The following ABLIM1 variants were observed in gnomAD, a reference collection of about 807,000 sequenced individuals.
ABLIM1 encodes actin-binding LIM protein 1.
Under a neutral mutation model 107.0 loss-of-function variants are expected in ABLIM1, and 40 were observed. The observed-to-expected ratio is 0.37, with a 90% CI of 0.29 to 0.49. The LOEUF is 0.49. Among genes scored for constraint, ABLIM1 ranks in the 20% least tolerant of loss-of-function variants. The pLI, the probability that ABLIM1 is intolerant of heterozygous loss-of-function variation, is 0.97. For missense variants in ABLIM1, 857 were observed against 1,008.5 expected (o/e 0.85, Z 2.04); for synonymous variants, 357 against 357.3 (o/e 1.00, Z 0.01).
intron 1 of ABLIM1, among the ~76,000 whole-genome samples, chr10:114,713,906 T>C (rs2081606161): frequency 6.6e-6 from 1 of 152,164 alleles, no homozygotes; most frequent in African/African-American, 2.4e-5. Context: ...GGGAACCAAG[T>C]GAGACAAAAA....
chr10:114,432,956 C>G lies in ABLIM1; in HGVS notation c.*3304G>C, dbSNP rs2059011210. On this transcript the variant is annotated 3_prime_UTR_variant, in exon 23 of 23. Transcript: ENST00000533213. Reference sequence around the variant, plus strand: ...CTGTGCAAGTTTCCCAATGCTCTTCCTATCTCCTAATAAGTCACACAGAAA... The same window carrying G: ...CTGTGCAAGTTTCCCAATGCTCTTCGTATCTCCTAATAAGTCACACAGAAA... 6.6e-6 allele frequency: 1 copy of G among 152,200 alleles called. No homozygotes were observed. The highest frequency in any genetic ancestry group is 1.5e-5 in the Non-Finnish European group (1 of 68,044). The allele number at this position is 152,200 out of a possible 1,614,324, so 9.4% of individuals were successfully genotyped here.
intron 1 of ABLIM1, among the ~76,000 whole-genome samples, chr10:114,621,250 G>T (rs749102564): frequency 6.6e-6 from 1 of 152,092 alleles, no homozygotes; most frequent in Non-Finnish European, 1.5e-5. Context: ...TACTTTCATA[G>T]TTCCCCTTTG....
At chr10:114,596,538 A>C (rs1381254323) in intron 2 of ABLIM1, among the ~76,000 whole-genome samples, 1 of 152,158 alleles carries the variant, frequency 6.6e-6, no homozygotes, top group African/African-American at 2.4e-5. Flanking sequence ...AACATGTAGT[A>C]AATGGATGAG....
At chr10:114,589,556 G>C (rs1262221586) in intron 2 of ABLIM1, among the ~76,000 whole-genome samples, 3 of 150,884 alleles carry the variant, frequency 2.0e-5, no homozygotes, top group Non-Finnish European at 4.4e-5. Flanking sequence ...GAGAGAGAGA[G>C]GGGCTTGGTA....
intron 1 of ABLIM1, among the ~76,000 whole-genome samples, chr10:114,636,524 G>A (rs574738986): frequency 6.6e-6 from 1 of 152,248 alleles, no homozygotes; most frequent in East Asian, 1.9e-4. Flanking sequence ...AGCTTGACAT[G>A]GAATGGATGC....
intron 1 of ABLIM1, among the ~76,000 whole-genome samples, chr10:114,682,195 T>C (rs534776021): frequency 6.6e-6 from 1 of 152,340 alleles, no homozygotes; most frequent in Non-Finnish European, 1.5e-5. Context: ...AGTCCTAAAT[T>C]ACTATTAATT....
chr10:114,662,312 C>T (rs946868619), upstream of ABLIM1, among the ~76,000 whole-genome samples: 3 of 152,126 alleles, frequency 2.0e-5, no homozygotes, highest in South Asian at 6.2e-4. Context: ...CAGTTGCTCA[C>T]AAGTCAGGAT....
chr10:114,695,299 G>A (rs903493909), intron 1 of ABLIM1, among the ~76,000 whole-genome samples: 1 of 152,024 alleles, frequency 6.6e-6, no homozygotes, highest in East Asian at 1.9e-4. Context: ...AACATTTATA[G>A]AGCCCTTAAA....
intron 2 of ABLIM1, among the ~76,000 whole-genome samples, chr10:114,590,129 A>G (rs2074694306): frequency 6.6e-6 from 1 of 152,192 alleles, no homozygotes; most frequent in African/African-American, 2.4e-5. Flanking sequence ...AACATGCTAT[A>G]CAGCTTCATA....
At chr10:114,509,661 AC>A (rs1402457223) in intron 6 of ABLIM1, among the ~76,000 whole-genome samples, 1 of 152,000 alleles carries the variant, frequency 6.6e-6, no homozygotes, top group African/African-American at 2.4e-5. Context: ...GGCATTCAAT[AC>A]CCTCTGCAGT....
chr10:114,552,160 TC>T (rs1385419245), intron 4 of ABLIM1, among the ~76,000 whole-genome samples: 27 of 152,294 alleles, frequency 1.8e-4, no homozygotes, highest in African/African-American at 6.3e-4. Flanking sequence ...AAAGCCATGG[TC>T]TTCACTCAAG....
At chr10:114,641,702 C>T (rs1245165511) in intron 1 of ABLIM1, among the ~76,000 whole-genome samples, 1 of 151,188 alleles carries the variant, frequency 6.6e-6, no homozygotes, top group Non-Finnish European at 1.5e-5. Context: ...GGAAAAACCA[C>T]CCCAGACAGA....
At chr10:114,672,249 G>A (rs2080288085) in intron 1 of ABLIM1, among the ~76,000 whole-genome samples, 2 of 151,986 alleles carry the variant, frequency 1.3e-5, no homozygotes, top group African/African-American at 4.8e-5. Flanking sequence ...TGCCCAGGCT[G>A]GAGTGCAGTG....
chr10:114,564,257 C>T (rs573803407), intron 4 of ABLIM1, among the ~76,000 whole-genome samples: 1 of 151,712 alleles, frequency 6.6e-6, no homozygotes, highest in South Asian at 2.1e-4. Flanking sequence ...GGGTTTCCTC[C>T]TGCGTGGGTT....
intron 1 of ABLIM1, among the ~76,000 whole-genome samples, chr10:114,644,359 T>TAC (rs1476235395): frequency 1.5e-5 from 2 of 136,534 alleles, no homozygotes; most frequent in African/African-American, 5.9e-5. Context: ...TACATATATA[T>TAC]ATACACACAC....
Position 114,445,384 on chromosome 10 carries a change from T to A in ABLIM1, c.1755A>T (p.Arg585Ser). 6.2e-7 allele frequency: 1 copy of A among 1,613,558 alleles called. No individual in the cohort carries two copies. The highest frequency in any genetic ancestry group is 8.5e-7 in the Non-Finnish European group (1 of 1,179,694). Residue 585 changes from arginine (R) to serine (S), a missense_variant, in exon 16 of 23, where the codon AGA (arginine) becomes AGT (serine). Arg to Ser is a moderately radical substitution (Grantham distance 110). Around this residue, in one of 5 missense-constraint regions of ABLIM1, gnomAD observed 103 missense variants for 101.0 expected, o/e 1.02. Coordinates refer to ENST00000533213, the MANE Select transcript of ABLIM1 (RefSeq NM_002313.7). Reference protein sequence around the residue: ...FAVVGPDMKRRSSGREEDDEE... With the variant: ...FAVVGPDMKRSSSGREEDDEE... ...CATCATCTTCCTCTCTGCCACTAGATCTGCGTTTCATGTCAGGTCCTAATT... is the reference window on the plus strand; with the variant it reads ...CATCATCTTCCTCTCTGCCACTAGAACTGCGTTTCATGTCAGGTCCTAATT...
chr10:114,539,313 A>G (rs563665944), intron 6 of ABLIM1, among the ~76,000 whole-genome samples: 22 of 152,318 alleles, frequency 1.4e-4, no homozygotes, highest in African/African-American at 4.8e-4. Flanking sequence ...AGCTGAGATC[A>G]TACCACTGCA....
rs966981907 is a variant in ABLIM1, at chr10:114,475,917, A to G, written c.1042-1961T>C. On this transcript the variant is annotated intron_variant, in intron 8 of 22. Coordinates refer to ENST00000533213, the MANE Select transcript of ABLIM1 (RefSeq NM_002313.7). ...AGTAACTTATAGTTCTACAATAGGA[A>G]TAAGACCTTGCCTTCTCAGTAGTTT... 2.0e-5 allele frequency among the ~76,000 whole-genome samples: 3 copies of G among 152,076 alleles called. No individual in the cohort carries two copies. The South Asian group carries it at 6.2e-4, about 32-fold the overall frequency.
chr10:114,792,447 G>C, the ABLIM1 span, among the ~76,000 whole-genome samples: 1 of 152,196 alleles, frequency 6.6e-6, no homozygotes, highest in Non-Finnish European at 1.5e-5. Context: ...CACTTAGCAA[G>C]ATACTGATAC....
Sources: gnomAD v4.1 joint callset for allele counts (sites outside exome capture counted in the v4.1 genomes callset) on GRCh38, gnomAD v4.1.1 for gene constraint, gnomAD v4.1.1 regional missense constraint, MANE v1.5 for transcripts, NCBI Gene and HGNC (gene_info 2026-07-23, HGNC 2026-07-21) for gene names.